The following WLS variants were observed in gnomAD, a reference collection of about 807,000 sequenced individuals.
WLS encodes the protein Wnt ligand secretion mediator.
In WLS, 23 loss-of-function variants were observed where a neutral mutation model predicts 62.8. The ratio of observed to expected loss-of-function variants is 0.37; its 90% CI spans 0.26 to 0.52. The LOEUF is 0.52. Ranked by LOEUF, WLS falls within the 20% of genes least tolerant of loss-of-function variation. WLS has a pLI of 0.92. For synonymous variants in WLS, 246 were observed against 244.1 expected (o/e 1.01, Z -0.07); for missense variants, 615 against 697.3 (o/e 0.88, Z 1.33).
chr1:68,109,291 A>G (rs567325851), intron 11 of WLS, among the ~76,000 whole-genome samples: 1 of 152,376 alleles, frequency 6.6e-6, no homozygotes, highest in African/African-American at 2.4e-5. Context: ...TCTCTGGAGA[A>G]AAGCTTCCTC....
intron 1 of WLS, among the ~76,000 whole-genome samples, chr1:68,204,792 C>A (rs1366966657): frequency 6.6e-6 from 1 of 152,102 alleles, no homozygotes; most frequent in Non-Finnish European, 1.5e-5. Context: ...GACAAAAGAT[C>A]CTTACTTCCT....
At chr1:68,165,062 A>C (rs562836993) in intron 2 of WLS, among the ~76,000 whole-genome samples, 1 of 152,348 alleles carries the variant, frequency 6.6e-6, no homozygotes, top group East Asian at 1.9e-4. Flanking sequence ...GCAATAAAGT[A>C]CATCCTACTT....
chr1:68,119,127 G>C (rs964056994), intron 11 of WLS, among the ~76,000 whole-genome samples: 1 of 151,990 alleles, frequency 6.6e-6, no homozygotes, highest in Admixed American at 6.6e-5. Context: ...GACTATAATA[G>C]TAAAGTCATG....
chr1:68,118,875 CA>C (rs33982774), intron 11 of WLS, among the ~76,000 whole-genome samples: 966 of 26,346 alleles, frequency 0.037, 4 homozygotes, highest in African/African-American at 0.095. Context: ...GACTCTGTCT[CA>C]AAAAAAAAAA....
intron 1 of WLS, among the ~76,000 whole-genome samples, chr1:68,199,624 C>A (rs956930935): frequency 6.6e-6 from 1 of 152,078 alleles, no homozygotes; most frequent in Non-Finnish European, 1.5e-5. Flanking sequence ...CTGTGTCCAC[C>A]CTTGCCTTTT....
At chr1:68,230,330 G>T (rs761060560) in intron 1 of WLS, among the ~76,000 whole-genome samples, 2 of 152,086 alleles carry the variant, frequency 1.3e-5, no homozygotes, top group African/African-American at 2.4e-5. Flanking sequence ...AGCACAAGGT[G>T]CAAGAAATTT....
chr1:68,218,649 C>T (rs573833863), intron 1 of WLS, among the ~76,000 whole-genome samples: 3 of 152,268 alleles, frequency 2.0e-5, no homozygotes, highest in East Asian at 3.9e-4. Flanking sequence ...TCCCTGTTCC[C>T]GCCTCGCACC....
intron 2 of WLS, among the ~76,000 whole-genome samples, chr1:68,173,524 G>C (rs1349175909): frequency 6.6e-6 from 1 of 152,140 alleles, no homozygotes; most frequent in African/African-American, 2.4e-5. Flanking sequence ...TTGTCATACA[G>C]TAACCAGGAA....
intron 2 of WLS, chr1:68,186,642 G>C (rs1403768637): frequency 8.8e-6 from 4 of 456,180 alleles, no homozygotes; most frequent in South Asian, 4.6e-5. Context: ...CTGAAGTCCT[G>C]TTCATTGCTG....
At chr1:68,115,597 C>A (rs1483131124) in intron 11 of WLS, among the ~76,000 whole-genome samples, 1 of 152,142 alleles carries the variant, frequency 6.6e-6, no homozygotes, top group Non-Finnish European at 1.5e-5. Flanking sequence ...GTACCTATAT[C>A]ATGGGACTAC....
chr1:68,160,404 A>G (rs1171034352), intron 2 of WLS, among the ~76,000 whole-genome samples: 4 of 152,136 alleles, frequency 2.6e-5, no homozygotes, highest in African/African-American at 9.7e-5. Context: ...TTGAGTTTTC[A>G]ATTAAACTTT....
At chr1:68,156,283 G>A (rs1348327459) in intron 3 of WLS, among the ~76,000 whole-genome samples, 2 of 152,178 alleles carry the variant, frequency 1.3e-5, no homozygotes, top group East Asian at 3.8e-4. Context: ...AGTGATAGGG[G>A]AGATCTAATT....
At position 68,145,882 on chromosome 1, in the gene WLS, C is replaced by T. The variant is rs763172046; in HGVS notation, c.1265G>A (p.Arg422Gln). 29 of 1,614,050 alleles carry T rather than the reference C, an allele frequency of 1.8e-5. No individual in the cohort carries two copies. The highest frequency in any genetic ancestry group is 2.1e-5 in the Non-Finnish European group (25 of 1,180,046). The change falls in exon 9 of 12, where the codon CGG (arginine) becomes CAG (glutamine). Residue 422 changes from arginine (R) to glutamine (Q), a missense_variant. Arg to Gln is a conservative substitution (Grantham distance 43, BLOSUM62 1). Coordinates refer to ENST00000262348, the MANE Select transcript of WLS (RefSeq NM_024911.7). ...SSLPAMSKVR[R>Q]LHYEGLIFRF... Reference sequence around the variant, plus strand: ...AAATCTGCCCACCTCATAGTGTAGCCGCCGGACTTTGCTCATAGCTGGCAG... The same window carrying T: ...AAATCTGCCCACCTCATAGTGTAGCTGCCGGACTTTGCTCATAGCTGGCAG...
chr1:68,124,070 G>A (rs544556124), downstream of WLS, among the ~76,000 whole-genome samples: 3 of 152,260 alleles, frequency 2.0e-5, no homozygotes, highest in South Asian at 6.2e-4. Flanking sequence ...CTTCCCCAGC[G>A]AGGGCTTGAA....
intron 2 of WLS, chr1:68,161,668 AT>A: frequency 1.0e-6 from 1 of 991,218 alleles, no homozygotes; most frequent in Non-Finnish European, 1.6e-6. Context: ...TACAAAGACC[AT>A]CATATTCTTT....
intron 2 of WLS, among the ~76,000 whole-genome samples, chr1:68,189,532 G>A (rs1249323479): frequency 4.6e-5 from 7 of 152,098 alleles, no homozygotes; most frequent in African/African-American, 7.2e-5. Flanking sequence ...GTTCAGTACC[G>A]TGATTTTAGG....
At chr1:68,188,478 C>T (rs184186382) in intron 2 of WLS, among the ~76,000 whole-genome samples, 1 of 152,268 alleles carries the variant, frequency 6.6e-6, no homozygotes, top group African/African-American at 2.4e-5. Context: ...TCAGAGAAGA[C>T]AATTTCACTG....
chr1:68,181,449 C>T (rs1013885257), intron 2 of WLS, among the ~76,000 whole-genome samples: 3 of 152,170 alleles, frequency 2.0e-5, no homozygotes, highest in African/African-American at 7.2e-5. Context: ...GCAGCTGTGG[C>T]ACTATAAACA....
rs779940360 is a variant in WLS, at chr1:68,232,307, C to A, written c.-8G>T. On this transcript the variant is annotated 5_prime_UTR_variant, in exon 1 of 12. Transcript: ENST00000262348. ...TATAATTGCCCCAGCCATTTTTGCGCCCCCCCTTTTTCTTTTCTCCTTGAA... is the reference window on the plus strand; with the variant it reads ...TATAATTGCCCCAGCCATTTTTGCGACCCCCCTTTTTCTTTTCTCCTTGAA... 6.8e-6 allele frequency: 11 copies of A among 1,612,488 alleles called. No individual in the cohort carries two copies. Among genetic ancestry groups the A allele is most frequent in the Non-Finnish European group, 8.5e-6 (10 of 1,179,414 alleles).
Sources: gnomAD v4.1 joint callset for allele counts (sites outside exome capture counted in the v4.1 genomes callset) on GRCh38, gnomAD v4.1.1 for gene constraint, MANE v1.5 for transcripts, NCBI Gene and HGNC (gene_info 2026-07-23, HGNC 2026-07-21) for gene names.